The following NELL1 variants were observed in gnomAD, a reference collection of about 807,000 sequenced individuals.
NELL1 encodes the protein protein kinase C-binding protein NELL1.
A neutral mutation model predicts 107.4 loss-of-function variants in NELL1; 76 were observed. The ratio of observed to expected loss-of-function variants is 0.71; its 90% CI spans 0.59 to 0.86. NELL1 has a LOEUF of 0.86. Among genes scored for constraint, NELL1 ranks in the 40% least tolerant of loss-of-function variants. The pLI is 0.00. For missense variants in NELL1, 1,024 were observed against 1,005.5 expected, an observed-to-expected ratio of 1.02 and a Z score of -0.25; for synonymous variants, 353 against 341.2, an observed-to-expected ratio of 1.03 and a Z score of -0.38.
chr11:20,996,777 T>C (rs1852099408), intron 12 of NELL1, among the ~76,000 whole-genome samples: 1 of 152,170 alleles, frequency 6.6e-6, no homozygotes, highest in South Asian at 2.1e-4. Context: ...TCTTTGTTCT[T>C]TAATCCTCCT....
Position 21,575,356 on chromosome 11 carries a change from G to T in NELL1, c.*334G>T. 4.5e-6 allele frequency: 1 copy of T among 219,892 alleles called. No homozygotes were observed. Among genetic ancestry groups the T allele is most frequent in the East Asian group, 1.0e-4 (1 of 9,978 alleles). 13.6% of individuals were successfully genotyped at this position (219,892 alleles called of 1,614,324 possible). A position where few individuals can be genotyped will look rare whatever the true frequency, so the allele number is the denominator to read the frequency against. ...CATGGTAAATGTTGATGTATTTTTT[G>T]GTTTATTTTGTGTACTAACATAATA... is the stretch of plus-strand genomic sequence containing the variant. On this transcript the variant is annotated 3_prime_UTR_variant, in exon 20 of 20. Transcript: ENST00000357134.
chr11:21,398,041 G>A (rs1852018975), intron 15 of NELL1, among the ~76,000 whole-genome samples: 1 of 150,926 alleles, frequency 6.6e-6, no homozygotes, highest in African/African-American at 2.4e-5. Flanking sequence ...ATTAAAAATA[G>A]TATATTTATA....
chr11:20,959,902 A>G (rs918527618), intron 11 of NELL1, among the ~76,000 whole-genome samples: 1 of 152,226 alleles, frequency 6.6e-6, no homozygotes, highest in Non-Finnish European at 1.5e-5. Context: ...GCTAAATGGT[A>G]TATTGTTTAG....
chr11:21,564,283 T>C (rs1162559796), intron 17 of NELL1, among the ~76,000 whole-genome samples: 1 of 151,904 alleles, frequency 6.6e-6, no homozygotes, highest in Non-Finnish European at 1.5e-5. Flanking sequence ...AAGTAACATC[T>C]AATGGGAGAA....
intron 2 of NELL1, among the ~76,000 whole-genome samples, chr11:20,750,467 CT>C (rs1407142813): frequency 6.6e-6 from 1 of 151,696 alleles, no homozygotes; most frequent in Non-Finnish European, 1.5e-5. Flanking sequence ...CTTTTTGTGT[CT>C]TTTCTAAGAC....
intron 3 of NELL1, among the ~76,000 whole-genome samples, chr11:20,825,658 C>G (rs1246211357): frequency 6.6e-6 from 1 of 151,354 alleles, no homozygotes; most frequent in Admixed American, 6.6e-5. Flanking sequence ...TCCATTGTAT[C>G]TAGGAAGTAA....
chr11:21,422,460 T>C (rs541347412), intron 15 of NELL1, among the ~76,000 whole-genome samples: 54 of 152,246 alleles, frequency 3.5e-4, no homozygotes, highest in African/African-American at 1.2e-3. Context: ...ATACATAATT[T>C]TATTTTACAC....
chr11:21,450,012 T>C (rs1853538281), intron 15 of NELL1, among the ~76,000 whole-genome samples: 1 of 152,224 alleles, frequency 6.6e-6, no homozygotes. Context: ...AAAAATTATT[T>C]CATTCTTTTG....
intron 3 of NELL1, among the ~76,000 whole-genome samples, chr11:20,826,204 G>C (rs1857879979): frequency 6.6e-6 from 1 of 151,198 alleles, no homozygotes. Context: ...AGCAGCATGA[G>C]AATGGACTAA....
intron 13 of NELL1, among the ~76,000 whole-genome samples, chr11:21,194,288 C>A (rs1328789417): frequency 6.7e-6 from 1 of 149,236 alleles, no homozygotes; most frequent in Non-Finnish European, 1.5e-5. Context: ...GGTGCTTATC[C>A]ACAATGAATC....
intron 2 of NELL1, among the ~76,000 whole-genome samples, chr11:20,713,925 A>G (rs1398833849): frequency 6.6e-5 from 10 of 152,128 alleles, no homozygotes; most frequent in African/African-American, 2.4e-4. Flanking sequence ...CTTTCTCCTG[A>G]GATCTGGATA....
At chr11:20,695,988 C>A (rs750493899) in intron 2 of NELL1, among the ~76,000 whole-genome samples, 14 of 151,726 alleles carry the variant, frequency 9.2e-5, no homozygotes, top group Non-Finnish European at 1.3e-4. Flanking sequence ...GGGTTCAATT[C>A]CTTCTTGGTT....
intron 13 of NELL1, among the ~76,000 whole-genome samples, chr11:21,217,110 G>A (rs1857632340): frequency 6.6e-6 from 1 of 152,100 alleles, no homozygotes; most frequent in African/African-American, 2.4e-5. Context: ...GGTTTCATAA[G>A]GGGCTATTCC....
chr11:20,843,565 T>G (rs1479660096), intron 3 of NELL1, among the ~76,000 whole-genome samples: 4 of 126,396 alleles, frequency 3.2e-5, no homozygotes, highest in Non-Finnish European at 6.3e-5. Flanking sequence ...CTGTTCTATA[T>G]ATAAAATATA....
chr11:20,992,178 C>T (rs963606199), intron 12 of NELL1, among the ~76,000 whole-genome samples: 1 of 152,154 alleles, frequency 6.6e-6, no homozygotes, highest in Non-Finnish European at 1.5e-5. Context: ...GGCCAGGAGA[C>T]TGTTTCAATT....
chr11:20,853,978 T>G (rs1848835740), intron 4 of NELL1, among the ~76,000 whole-genome samples: 1 of 152,190 alleles, frequency 6.6e-6, no homozygotes, highest in African/African-American at 2.4e-5. Context: ...ACATGCCCAC[T>G]TTCCCTTTTT....
chr11:21,242,164 T>A (rs1858380035), intron 14 of NELL1, among the ~76,000 whole-genome samples: 1 of 152,080 alleles, frequency 6.6e-6, no homozygotes, highest in East Asian at 1.9e-4. Flanking sequence ...GTAGATGCTG[T>A]AACAGATAAA....
chr11:21,072,835 A>T (rs2134381671), intron 12 of NELL1, among the ~76,000 whole-genome samples: 1 of 152,292 alleles, frequency 6.6e-6, no homozygotes, highest in African/African-American at 2.4e-5. Context: ...TTTTCTGTTG[A>T]TTATTCAGAA....
chr11:21,226,367 A>C (rs1177158327), intron 13 of NELL1, among the ~76,000 whole-genome samples: 2 of 152,162 alleles, frequency 1.3e-5, no homozygotes, highest in Non-Finnish European at 2.9e-5. Context: ...GCCACATCCA[A>C]ATTAACTTGC....
Sources: allele counts gnomAD v4.1 joint callset (sites outside exome capture counted in the v4.1 genomes callset), GRCh38; gene constraint gnomAD v4.1.1; transcripts MANE v1.5; gene names NCBI Gene and HGNC (gene_info 2026-07-23, HGNC 2026-07-21).